The following DDAH1 variants were observed in gnomAD, a reference collection of about 807,000 sequenced individuals.
The protein encoded by DDAH1 is dimethylarginine dimethylaminohydrolase 1.
In DDAH1, 19 loss-of-function variants were observed where a neutral mutation model predicts 28.8. That is an observed-to-expected ratio of 0.66 (90% confidence interval 0.46 to 0.97). The LOEUF (loss-of-function observed/expected upper bound fraction) is 0.97. Ranked by LOEUF, DDAH1 falls within the 50% of genes least tolerant of loss-of-function variation. The pLI is 0.00. For synonymous variants in DDAH1, 153 were observed against 154.4 expected, an observed-to-expected ratio of 0.99 and a Z score of 0.07; for missense variants, 326 against 375.9, an observed-to-expected ratio of 0.87 and a Z score of 1.10.
At chr1:85,489,760 G>T (rs910649956) in intron 2 of DDAH1, among the ~76,000 whole-genome samples, 1 of 152,076 alleles carries the variant, frequency 6.6e-6, no homozygotes, top group Admixed American at 6.6e-5. Flanking sequence ...GGAGGATGTA[G>T]TTAACTGTGT....
intron 1 of DDAH1, among the ~76,000 whole-genome samples, chr1:85,507,272 A>G (rs1657048785): frequency 6.6e-6 from 1 of 152,186 alleles, no homozygotes; most frequent in Non-Finnish European, 1.5e-5. Context: ...TGGAAGGCTG[A>G]TAAGCAGATT....
At position 85,324,816 on chromosome 1, in the gene DDAH1, C is replaced by A; in HGVS notation, c.665G>T (p.Cys222Phe). The change falls in exon 5 of 6, where the codon TGT (cysteine) becomes TTT (phenylalanine). Residue 222 changes from cysteine (C) to phenylalanine (F), a missense_variant. Cys to Phe is a radical substitution (Grantham distance 205). Transcript: ENST00000284031. ...TTTGTTGGGGATATTTAGATATATA[C>A]AGTTTGCTGCTATGTCATCAGGCAC... is the stretch of plus-strand genomic sequence containing the variant. ...LTVPDDIAAN[C>F]IYLNIPNKGH... The A allele has an allele frequency of 6.2e-7, 1 of 1,614,046 alleles. No individual in the cohort carries two copies. Among genetic ancestry groups the A allele is most frequent in the Non-Finnish European group, 8.5e-7 (1 of 1,180,010 alleles).
At chr1:85,349,653 C>G (rs1041855230) in intron 4 of DDAH1, among the ~76,000 whole-genome samples, 4 of 152,178 alleles carry the variant, frequency 2.6e-5, no homozygotes, top group Non-Finnish European at 5.9e-5. Context: ...ATCCCTTCAT[C>G]AGACATTTAT....
At chr1:85,551,003 C>A (rs1225316686) in intron 1 of DDAH1, among the ~76,000 whole-genome samples, 1 of 152,186 alleles carries the variant, frequency 6.6e-6, no homozygotes, top group East Asian at 1.9e-4. Context: ...GCCCACGGAG[C>A]ATTCTTCAGG....
intron 2 of DDAH1, among the ~76,000 whole-genome samples, chr1:85,492,588 T>G (rs1656445065): frequency 1.3e-5 from 2 of 152,320 alleles, no homozygotes; most frequent in Middle Eastern, 3.4e-3. Flanking sequence ...GAATTTCCTT[T>G]GTGATCCTGT....
intron 1 of DDAH1, among the ~76,000 whole-genome samples, chr1:85,509,292 G>T (rs1239780927): frequency 6.6e-6 from 1 of 152,148 alleles, no homozygotes; most frequent in East Asian, 1.9e-4. Flanking sequence ...GAAAGGAATA[G>T]CATCAACATC....
intron 2 of DDAH1, among the ~76,000 whole-genome samples, chr1:85,356,896 G>A (rs1287017840): frequency 1.1e-4 from 16 of 152,138 alleles, no homozygotes; most frequent in Admixed American, 9.8e-4. Context: ...GGTCTTTCTG[G>A]CTCAGCTGCT....
intron 1 of DDAH1, among the ~76,000 whole-genome samples, chr1:85,403,187 CTA>C (rs200393009): frequency 1.4e-5 from 2 of 143,280 alleles, no homozygotes; most frequent in African/African-American, 2.5e-5. Flanking sequence ...ATACATATAC[CTA>C]TATATATATG....
intron 1 of DDAH1, among the ~76,000 whole-genome samples, chr1:85,511,348 G>A (rs1381348674): frequency 6.6e-6 from 1 of 152,194 alleles, no homozygotes. Flanking sequence ...CACATTTAAA[G>A]CAGTGTGTAG....
In DDAH1 at chr1:85,570,957, T is replaced by C. The variant is rs142179401; in HGVS notation, c.-123+7027A>G. Among the ~76,000 whole-genome samples, 85 of 152,282 alleles carry C rather than the reference T, an allele frequency of 5.6e-4. 1 individual carries two copies. Among genetic ancestry groups the C allele is most frequent in the Middle Eastern group, 3.4e-3 (1 of 294 alleles). ...GAATTAGGACTGTGTAGCAGAAATG[T>C]AGAAAGAGGACGGAACTTGGAGTCA... is the stretch of plus-strand genomic sequence containing the variant. On this transcript the variant is annotated intron_variant, in intron 1 of 6. Transcript: ENST00000426972.
intron 1 of DDAH1, among the ~76,000 whole-genome samples, chr1:85,553,725 T>C (rs1209604527): frequency 6.6e-6 from 1 of 152,212 alleles, no homozygotes; most frequent in Non-Finnish European, 1.5e-5. Flanking sequence ...ATCCACTGCA[T>C]CTGGGGACTG....
At chr1:85,440,321 C>A (rs1355637269) in intron 1 of DDAH1, among the ~76,000 whole-genome samples, 1 of 152,142 alleles carries the variant, frequency 6.6e-6, no homozygotes, top group African/African-American at 2.4e-5. Flanking sequence ...TGAGTCAGAT[C>A]TTCAATCTTC....
At chr1:85,328,590 C>T (rs769829190) in intron 4 of DDAH1, among the ~76,000 whole-genome samples, 5 of 152,168 alleles carry the variant, frequency 3.3e-5, no homozygotes, top group Admixed American at 6.5e-5. Context: ...CAGAACTGGA[C>T]GGTCATCCTG....
chr1:85,438,689 G>A (rs75103041), intron 1 of DDAH1, among the ~76,000 whole-genome samples: 158 of 152,286 alleles, frequency 1.0e-3, no homozygotes, highest in Admixed American at 2.6e-3. Flanking sequence ...TGCTGCCATT[G>A]CTTTAACCCA....
At chr1:85,403,095 A>G (rs1168442146) in intron 1 of DDAH1, among the ~76,000 whole-genome samples, 1 of 151,830 alleles carries the variant, frequency 6.6e-6, no homozygotes, top group Non-Finnish European at 1.5e-5. Context: ...AGGGACTGCT[A>G]ATGTTTGATC....
intron 1 of DDAH1, among the ~76,000 whole-genome samples, chr1:85,536,126 A>G (rs1232500436): frequency 6.6e-6 from 1 of 151,872 alleles, no homozygotes; most frequent in African/African-American, 2.4e-5. Flanking sequence ...AATCCCAGCT[A>G]CTTGGAAGGC....
chr1:85,537,921 G>A (rs1465319889), intron 1 of DDAH1, among the ~76,000 whole-genome samples: 1 of 151,932 alleles, frequency 6.6e-6, no homozygotes, highest in African/African-American at 2.4e-5. Flanking sequence ...AAGCAGATAA[G>A]TGTTCTCTTT....
chr1:85,455,790 A>T (rs942004935), intron 1 of DDAH1, among the ~76,000 whole-genome samples: 2 of 152,210 alleles, frequency 1.3e-5, no homozygotes, highest in Admixed American at 6.5e-5. Context: ...AGTCTTCTAT[A>T]GAAAAAATTA....
chr1:85,540,279 T>C (rs1658433166), intron 1 of DDAH1, among the ~76,000 whole-genome samples: 1 of 152,206 alleles, frequency 6.6e-6, no homozygotes, highest in Non-Finnish European at 1.5e-5. Flanking sequence ...TCTTCCTCTT[T>C]ATGTTCCTTA....
Sources: gnomAD v4.1 joint callset for allele counts (sites outside exome capture counted in the v4.1 genomes callset) on GRCh38, gnomAD v4.1.1 for gene constraint, MANE v1.5 for transcripts, NCBI Gene and HGNC (gene_info 2026-07-23, HGNC 2026-07-21) for gene names.